The following IL12RB2 variants were observed in gnomAD, a reference collection of about 807,000 sequenced individuals.
IL12RB2 encodes the protein interleukin-12 receptor subunit beta-2.
A neutral mutation model predicts 89.4 loss-of-function variants in IL12RB2; 82 were observed. The ratio of observed to expected loss-of-function variants is 0.92; its 90% CI spans 0.77 to 1.10. The LOEUF is 1.10. Among genes scored for constraint, IL12RB2 ranks in the 50% least tolerant of loss-of-function variants. The pLI, the probability that IL12RB2 is intolerant of heterozygous loss-of-function variation, is 0.00. For synonymous variants in IL12RB2, 368 were observed against 370.1 expected (o/e 0.99, Z 0.07); for missense variants, 963 against 1,031.9 (o/e 0.93, Z 0.92).
intron 10 of IL12RB2, among the ~76,000 whole-genome samples, chr1:67,360,759 G>A (rs1294697080): frequency 1.3e-5 from 2 of 150,942 alleles, no homozygotes; most frequent in African/African-American, 2.4e-5. Context: ...TCACTCTACT[G>A]CACTCCAGCC....
chr1:67,312,703 G>A (rs964154856), intron 1 of IL12RB2, among the ~76,000 whole-genome samples: 5 of 136,426 alleles, frequency 3.7e-5, no homozygotes, highest in African/African-American at 8.1e-5. Flanking sequence ...AGGGAAAGGA[G>A]AAAACACATT....
In IL12RB2 at chr1:67,395,578, T is replaced by TGATA; in HGVS notation, c.2081_2084dup (p.Trp696ArgfsTer6). 1 of 1,614,250 alleles carries TGATA rather than the reference T, an allele frequency of 6.2e-7. No individual in the cohort carries two copies. Among genetic ancestry groups the TGATA allele is most frequent in the Non-Finnish European group, 8.5e-7 (1 of 1,180,048 alleles). On this transcript the variant is annotated frameshift_variant, in exon 17 of 17. Coordinates refer to ENST00000674203, the MANE Select transcript of IL12RB2 (RefSeq NM_001374259.2). LOFTEE classifies it low-confidence loss of function (END_TRUNC). ...ACACAGCTGCCCTTGGACAGGCTCC[T>TGATA]GATAGACTGGCCCACGCCTGAAGAT...
intron 15 of IL12RB2, among the ~76,000 whole-genome samples, chr1:67,388,131 C>T (rs1030268901): frequency 2.0e-5 from 3 of 152,044 alleles, no homozygotes; most frequent in African/African-American, 7.2e-5. Flanking sequence ...GTTGAGATTG[C>T]GCCACTGCAC....
chr1:67,395,733 C>T lies in IL12RB2; in HGVS notation c.2233C>T (p.His745Tyr). ...GHQASEKDMM[H>Y]SASSPPPPRA... ...TCAGGCCTCTGAGAAAGACATGATGCACAGTGCCTCAAGCCCACCACCTCC... is the reference window on the plus strand; with the variant it reads ...TCAGGCCTCTGAGAAAGACATGATGTACAGTGCCTCAAGCCCACCACCTCC... Residue 745 changes from histidine (H) to tyrosine (Y), a missense_variant, in exon 17 of 17, where the codon CAC becomes TAC. Physicochemically the swap from His to Tyr is moderately conservative, Grantham distance 83. Transcript: ENST00000674203. 3.1e-6 allele frequency: 5 copies of T among 1,613,964 alleles called. No individual in the cohort carries two copies. Among genetic ancestry groups the T allele is most frequent in the Non-Finnish European group, 3.4e-6 (4 of 1,179,818 alleles).
intron 16 of IL12RB2, among the ~76,000 whole-genome samples, chr1:67,394,324 A>G (rs532137489): frequency 6.6e-6 from 1 of 152,240 alleles, no homozygotes; most frequent in African/African-American, 2.4e-5. Flanking sequence ...GATTGTTTCT[A>G]GGATGCAAAG....
intron 13 of IL12RB2, among the ~76,000 whole-genome samples, chr1:67,375,497 G>A (rs558435677): frequency 5.0e-4 from 76 of 152,232 alleles, no homozygotes; most frequent in Non-Finnish European, 9.3e-4. Flanking sequence ...AATCATTGGT[G>A]AATTCACAAG....
In IL12RB2 at chr1:67,350,929, G is replaced by A; in HGVS notation, c.1098G>A (p.Glu366=). The part of the protein sequence containing the change: ...KILHYQVTLQ[E]LTGGKAMTQN... Reference sequence around the variant, plus strand: ...TCCACTATCAGGTGACCTTGCAGGAGCTGACAGGAGGGAAAGCCATGACAC... The same window carrying A: ...TCCACTATCAGGTGACCTTGCAGGAACTGACAGGAGGGAAAGCCATGACAC... The change falls in exon 10 of 17, where the codon GAG becomes GAA. Residue 366 remains glutamate, a synonymous_variant. Coordinates refer to ENST00000674203, the MANE Select transcript of IL12RB2 (RefSeq NM_001374259.2). 1 of 1,614,134 alleles carries A rather than the reference G, an allele frequency of 6.2e-7. No individual in the cohort carries two copies. Among genetic ancestry groups the A allele is most frequent in the East Asian group, 2.2e-5 (1 of 44,876 alleles).
At chr1:67,333,472 C>G (rs934130885) in intron 8 of IL12RB2, among the ~76,000 whole-genome samples, 4 of 149,354 alleles carry the variant, frequency 2.7e-5, no homozygotes, top group Admixed American at 2.0e-4. Context: ...CTTTGCTTCT[C>G]AAAATTGAGA....
At chr1:67,362,006 C>G (rs1662103447) in intron 10 of IL12RB2, among the ~76,000 whole-genome samples, 1 of 152,134 alleles carries the variant, frequency 6.6e-6, no homozygotes, top group Non-Finnish European at 1.5e-5. Flanking sequence ...CGCGGTGGCT[C>G]ACGCGTGTAA....
intron 14 of IL12RB2, among the ~76,000 whole-genome samples, chr1:67,381,550 T>G (rs1279811152): frequency 6.6e-6 from 1 of 151,738 alleles, no homozygotes; most frequent in Admixed American, 6.6e-5. Flanking sequence ...GATCATGAGG[T>G]CAGGAGATCG....
At chr1:67,385,383 G>T (rs1413790441) in intron 14 of IL12RB2, among the ~76,000 whole-genome samples, 1 of 152,148 alleles carries the variant, frequency 6.6e-6, no homozygotes, top group Non-Finnish European at 1.5e-5. Context: ...GTAGCATGGG[G>T]TAACTGCCCC....
At chr1:67,362,287 C>A (rs935212722) in intron 10 of IL12RB2, among the ~76,000 whole-genome samples, 3 of 151,096 alleles carry the variant, frequency 2.0e-5, no homozygotes, top group Non-Finnish European at 3.0e-5. Flanking sequence ...GAAAAAGAGG[C>A]CGGGCGCGGT....
intron 16 of IL12RB2, among the ~76,000 whole-genome samples, chr1:67,391,001 C>CA (rs905550669): frequency 1.0e-4 from 15 of 150,054 alleles, no homozygotes; most frequent in South Asian, 4.2e-4. Context: ...AACCTCCACT[C>CA]AAAAAAAAAG....
intron 4 of IL12RB2, among the ~76,000 whole-genome samples, chr1:67,322,346 A>T (rs1569755687): frequency 6.6e-6 from 1 of 151,178 alleles, no homozygotes; most frequent in East Asian, 2.0e-4. Context: ...GCTCACCCGG[A>T]CCACTGGTTC....
In IL12RB2 at chr1:67,326,840, A is replaced by G. The variant is rs1380428651; in HGVS notation, c.470A>G (p.Tyr157Cys). ...CGAGACACCCACTTATACACTGAGT[A>G]TACTCTACAGTGAGTGAGAGGCTGT... ...RGRDTHLYTEYTLQLSGPKNL... is the reference protein window; with the variant it reads ...RGRDTHLYTECTLQLSGPKNL... The change falls in exon 5 of 17, where the codon TAT becomes TGT. Residue 157 changes from tyrosine (Y) to cysteine (C), a missense_variant. Coordinates refer to ENST00000674203, the MANE Select transcript of IL12RB2 (RefSeq NM_001374259.2). 6.2e-7 allele frequency: 1 copy of G among 1,605,824 alleles called. No homozygotes were observed. The highest frequency in any genetic ancestry group is 2.2e-5 in the East Asian group (1 of 44,840).
chr1:67,339,293 C>A (rs1434067441), intron 9 of IL12RB2, among the ~76,000 whole-genome samples: 1 of 152,052 alleles, frequency 6.6e-6, no homozygotes, highest in African/African-American at 2.4e-5. Flanking sequence ...TAGAGACCAG[C>A]CTGGCCAGCA....
chr1:67,353,050 G>A (rs187065904), intron 10 of IL12RB2, among the ~76,000 whole-genome samples: 2 of 152,304 alleles, frequency 1.3e-5, no homozygotes, highest in Admixed American at 6.5e-5. Context: ...ATGTAAGTAC[G>A]AAGATGTTTG....
intron 10 of IL12RB2, among the ~76,000 whole-genome samples, chr1:67,362,947 T>C (rs1662272849): frequency 6.6e-6 from 1 of 150,870 alleles, no homozygotes; most frequent in Non-Finnish European, 1.5e-5. Flanking sequence ...TCTGTCACCA[T>C]GCTGGAGTGC....
intron 8 of IL12RB2, among the ~76,000 whole-genome samples, chr1:67,334,581 C>T (rs1658516489): frequency 6.6e-6 from 1 of 152,134 alleles, no homozygotes. Flanking sequence ...CGGGTTCACG[C>T]CATTCTCCTA....
Sources: gnomAD v4.1 joint callset for allele counts (sites outside exome capture counted in the v4.1 genomes callset) on GRCh38, gnomAD v4.1.1 for gene constraint, MANE v1.5 for transcripts, NCBI Gene and HGNC (gene_info 2026-07-23, HGNC 2026-07-21) for gene names.